NRAP: variants seen among roughly 807,000 people sequenced by gnomAD.
The protein encoded by NRAP is nebulin related anchoring protein.
In NRAP, 189 loss-of-function variants were observed where a neutral mutation model predicts 225.9. The ratio of observed to expected loss-of-function variants is 0.84; its 90% CI spans 0.74 to 0.94. NRAP has a LOEUF of 0.94. NRAP is among the 40% of genes least tolerant of loss of function. The pLI is 0.00. For synonymous variants in NRAP, 769 were observed against 790.7 expected, an observed-to-expected ratio of 0.97 and a Z score of 0.46; for missense variants, 2,176 against 2,168.7, an observed-to-expected ratio of 1.00 and a Z score of -0.07.
chr10:113,607,323 A>G (rs1847035167), intron 32 of NRAP, among the ~76,000 whole-genome samples: 1 of 146,088 alleles, frequency 6.8e-6, no homozygotes, highest in African/African-American at 2.5e-5. Context: ...AATTGCTTGA[A>G]CCTGGAAGGC....
chr10:113,622,585 G>A (rs1848061506), intron 23 of NRAP, among the ~76,000 whole-genome samples: 1 of 152,130 alleles, frequency 6.6e-6, no homozygotes, highest in South Asian at 2.1e-4. Flanking sequence ...AGAGTAACAA[G>A]GACCAGAAGC....
rs189588741 is a variant in NRAP, at chr10:113,662,439, C to T, written c.255+240G>A. On this transcript the variant is annotated intron_variant, in intron 3 of 41. Transcript: ENST00000359988. ...CTGCTATAGGACATTACAACATGTT[C>T]CTTCTTTTATTTATTTAACTTTTTA... 3.3e-5 allele frequency among the ~76,000 whole-genome samples: 5 copies of T among 152,126 alleles called. No individual in the cohort carries two copies. The East Asian group carries it at 7.7e-4, about 23-fold the overall frequency.
intron 9 of NRAP, among the ~76,000 whole-genome samples, chr10:113,649,488 T>C (rs978291669): frequency 6.6e-6 from 1 of 152,220 alleles, no homozygotes; most frequent in Non-Finnish European, 1.5e-5. Flanking sequence ...CAAATAATAA[T>C]TAGCTTGTGA....
At position 113,663,576 on chromosome 10, in the gene NRAP, A is replaced by G. The variant is rs7077689; in HGVS notation, c.73-130T>C. 92,689 of 667,532 alleles carry G rather than the reference A, an allele frequency of 0.14. 7,145 individuals are homozygous for G. Among genetic ancestry groups the G allele is most frequent in the African/African-American group, 0.23 (12,528 of 55,042 alleles). 41.4% of individuals were successfully genotyped at this position (667,532 alleles called of 1,614,324 possible). On this transcript the variant is annotated intron_variant, in intron 1 of 41. Transcript: ENST00000359988. ...ATTTTAAAAAAATTAAAATCCACAC[A>G]CACAGCTATAACAACACTCACGGTT...
intron 34 of NRAP, 22 bp from the exon 35 acceptor site, chr10:113,604,942 T>C: frequency 6.3e-7 from 1 of 1,597,792 alleles, no homozygotes; most frequent in Non-Finnish European, 8.5e-7. Context: ...GGCTGGCCGG[T>C]CAAATTCTAT....
intron 39 of NRAP, 56 bp downstream of exon 39, chr10:113,592,138 G>T: frequency 8.7e-7 from 1 of 1,143,818 alleles, no homozygotes; most frequent in Non-Finnish European, 1.3e-6. Context: ...CAACAGAACT[G>T]GGAAAACCAG....
intron 26 of NRAP, 46 bp from the exon 27 acceptor site, chr10:113,615,862 T>C: frequency 9.4e-7 from 1 of 1,061,134 alleles, no homozygotes. Flanking sequence ...CCCCATTCCA[T>C]GCAGCCATCA....
At chr10:113,648,467 C>CTCTCTCTCTATATATA (rs749486311) in intron 9 of NRAP, among the ~76,000 whole-genome samples, 147 of 87,348 alleles carry the variant, frequency 1.7e-3, no homozygotes, top group African/African-American at 2.3e-3. Flanking sequence ...CTCTCTCTCT[C>CTCTCTCTCTATATATA]TATATATATA....
chr10:113,651,304 T>C lies in NRAP; in HGVS notation c.675+499A>G, dbSNP rs189250499. Among the ~76,000 whole-genome samples the C allele has an allele frequency of 1.2e-3, 187 of 152,330 alleles. 1 individual carries two copies. Among genetic ancestry groups the C allele is most frequent in the African/African-American group, 4.4e-3 (183 of 41,590 alleles). On this transcript the variant is annotated intron_variant, in intron 7 of 41. Transcript: ENST00000359988. ...GATCTTAAGTGCAAACCACTACATC[T>C]TGGCCTTCCTCATTTCTCTCTCTTT... is the stretch of plus-strand genomic sequence containing the variant.
intron 25 of NRAP, among the ~76,000 whole-genome samples, chr10:113,619,521 C>T (rs1016471006): frequency 6.6e-6 from 1 of 151,892 alleles, no homozygotes; most frequent in Non-Finnish European, 1.5e-5. Flanking sequence ...AGTGAGAATG[C>T]CGTTCCATGG....
In NRAP at chr10:113,662,725, G is replaced by A. The variant is rs776661562; in HGVS notation, c.209C>T (p.Thr70Ile). The A allele has an allele frequency of 1.2e-6, 2 of 1,601,864 alleles. No individual in the cohort carries two copies. Among genetic ancestry groups the A allele is most frequent in the Non-Finnish European group, 1.7e-6 (2 of 1,169,030 alleles). The stretch of plus-strand genomic sequence containing the variant: ...TGTCCTCACATTTAGATTTAATGGA[G>A]TGTGATAGACACTGGTGAAAGTGTT... ...KNNTFTSVYH[T>I]PLNLNVRTFP... is the part of the protein sequence containing the mutation. The change falls in exon 3 of 42, where the codon ACT (threonine) becomes ATT (isoleucine). Residue 70 changes from threonine (T) to isoleucine (I), a missense_variant. Physicochemically the swap from Thr to Ile is moderately conservative, Grantham distance 89 (BLOSUM62 -1). Transcript: ENST00000359988.
chr10:113,604,567 A>T, intron 35 of NRAP, 42 bp downstream of exon 35: 1 of 1,571,278 alleles, frequency 6.4e-7, no homozygotes, highest in Non-Finnish European at 8.7e-7. Flanking sequence ...GTGAAAGGAG[A>T]AAGGCTGGGG....
Position 113,629,008 on chromosome 10 carries a change from G to A in NRAP, c.2054C>T (p.Ala685Val). The A allele has an allele frequency of 1.9e-6, 3 of 1,613,076 alleles. No individual in the cohort carries two copies. The South Asian group carries it at 3.3e-5, about 18-fold the overall frequency. The change falls in exon 20 of 42, where the codon GCT (alanine) becomes GTT (valine). Residue 685 changes from alanine (A) to valine (V), a missense_variant. Ala to Val is a moderately conservative substitution (Grantham distance 64, BLOSUM62 0). Around this residue, in one of 3 missense-constraint regions of NRAP, gnomAD observed 1,708 missense variants for 1,695.5 expected, o/e 1.01. Coordinates refer to ENST00000359988, the MANE Select transcript of NRAP (RefSeq NM_198060.4). ...AACTCCCTTCATCCATGCCAGGTCA[G>A]CCTTGTACTGCAGCTACAAAAGAAA... is the stretch of plus-strand genomic sequence containing the variant. ...YGLQSELQYKADLAWMKGVGW... is the reference protein window; with the variant it reads ...YGLQSELQYKVDLAWMKGVGW...
Position 113,589,625 on chromosome 10 carries a change from G to T in NRAP, c.5088+41C>A, listed in dbSNP as rs1161417268. The T allele has an allele frequency of 2.0e-6, 3 of 1,471,474 alleles. No homozygotes were observed. In the East Asian group the frequency reaches 7.5e-5, roughly 37 times the overall value. 91.2% of individuals were successfully genotyped at this position (1,471,474 alleles called of 1,614,324 possible). On this transcript the variant is annotated intron_variant, in intron 41 of 41. Coordinates refer to ENST00000359988, the MANE Select transcript of NRAP (RefSeq NM_198060.4). The stretch of plus-strand genomic sequence containing the variant: ...AAACAATGAGTTTGTCTTTCCCCAT[G>T]GCCTTGCAAGCCAGGGGTGGCTTTG...
At chr10:113,591,001 G>C (rs1035645388) in intron 39 of NRAP, 112 bp from the exon 40 acceptor site, 1 of 862,986 alleles carries the variant, frequency 1.2e-6, no homozygotes, top group African/African-American at 1.7e-5. Flanking sequence ...GAGTGGGTTA[G>C]AGGCACAGGC....
At chr10:113,632,692 A>G (rs1171256662) in intron 16 of NRAP, among the ~76,000 whole-genome samples, 2 of 152,202 alleles carry the variant, frequency 1.3e-5, no homozygotes, top group African/African-American at 4.8e-5. Flanking sequence ...CCAAAATTCC[A>G]TCTAGAGTTA....
At chr10:113,606,923 C>G (rs182796989) in intron 32 of NRAP, among the ~76,000 whole-genome samples, 6 of 152,042 alleles carry the variant, frequency 3.9e-5, no homozygotes, top group Admixed American at 3.3e-4. Flanking sequence ...AAACTTAGGG[C>G]CAGGCGTGGT....
chr10:113,662,923 T>C (rs1470963548), intron 2 of NRAP, among the ~76,000 whole-genome samples, 157 bp from the exon 3 acceptor site: 1 of 152,112 alleles, frequency 6.6e-6, no homozygotes, highest in East Asian at 1.9e-4. Flanking sequence ...AGGCAATGCA[T>C]CTTACAGAAA....
chr10:113,650,243 G>T, intron 8 of NRAP, 102 bp from the exon 9 acceptor site: 2 of 835,314 alleles, frequency 2.4e-6, no homozygotes, highest in Non-Finnish European at 2.0e-6. Flanking sequence ...TTTCTGCTTG[G>T]ATCTAGGGAG....
Sources: gnomAD v4.1 joint callset for allele counts (sites outside exome capture counted in the v4.1 genomes callset) on GRCh38, gnomAD v4.1.1 for gene constraint, gnomAD v4.1.1 regional missense constraint, MANE v1.5 for transcripts, NCBI Gene and HGNC (gene_info 2026-07-23, HGNC 2026-07-21) for gene names.